TECPR2: variants seen among roughly 807,000 people sequenced by gnomAD.
TECPR2 encodes tectonin beta-propeller repeat containing 2.
In TECPR2, 65 loss-of-function variants were observed where a neutral mutation model predicts 138.1. The observed-to-expected ratio is 0.47, with a 90% CI of 0.39 to 0.58. The LOEUF is 0.58. Ranked by LOEUF, TECPR2 falls within the 20% of genes least tolerant of loss-of-function variation. The pLI, the probability that TECPR2 is intolerant of heterozygous loss-of-function variation, is 0.00. For missense variants in TECPR2, 1,553 were observed against 1,824.5 expected (o/e 0.85, Z 2.71); for synonymous variants, 746 against 749.8 (o/e 0.99, Z 0.08).
At chr14:102,400,907 AC>A (rs931578799) in intron 2 of TECPR2, among the ~76,000 whole-genome samples, 4 of 151,882 alleles carry the variant, frequency 2.6e-5, no homozygotes, top group African/African-American at 7.2e-5. Context: ...GGTGGCGGGG[AC>A]CTGTAATCCC....
intron 4 of TECPR2, 115 bp from the exon 5 acceptor site, chr14:102,414,521 G>A (rs1027526045): frequency 4.7e-6 from 6 of 1,284,486 alleles, no homozygotes; most frequent in South Asian, 1.4e-5. Flanking sequence ...CATGCGTTAA[G>A]TAAGGTGCAA....
intron 17 of TECPR2, among the ~76,000 whole-genome samples, chr14:102,469,618 C>T (rs144928335): frequency 2.6e-5 from 4 of 152,230 alleles, no homozygotes; most frequent in Non-Finnish European, 4.4e-5. Flanking sequence ...GTAGAAGTGG[C>T]GAGAATGGGC....
chr14:102,365,003 C>T (rs947930607), intron 1 of TECPR2, among the ~76,000 whole-genome samples: 3 of 152,198 alleles, frequency 2.0e-5, no homozygotes, highest in African/African-American at 7.2e-5. Flanking sequence ...AGCTGTTACT[C>T]AAGATGCATG....
rs1007092854 is a variant in TECPR2, at chr14:102,362,949, C to T, written c.-240C>T. 5 of 1,493,842 alleles carry T rather than the reference C, an allele frequency of 3.3e-6. No individual in the cohort carries two copies. The highest frequency in any genetic ancestry group is 4.6e-6 in the Non-Finnish European group (5 of 1,089,032). The allele number at this position is 1,493,842 out of a possible 1,614,324, so 92.5% of individuals were successfully genotyped here. On this transcript the variant is annotated 5_prime_UTR_variant, in exon 1 of 20. Transcript: ENST00000359520. Reference sequence around the variant, plus strand: ...CCGCCCCGCCCGCTGCCACTTGTGGCTCTGCCGCTCTAGCCCCCGGCGGAG... The same window carrying T: ...CCGCCCCGCCCGCTGCCACTTGTGGTTCTGCCGCTCTAGCCCCCGGCGGAG...
chr14:102,414,933 G>A, intron 5 of TECPR2, 140 bp downstream of exon 5: 1 of 1,018,648 alleles, frequency 9.8e-7, no homozygotes, highest in Non-Finnish European at 1.4e-6. Flanking sequence ...GGTTCCTGGT[G>A]GGGCCCTGTG....
chr14:102,430,701 C>A (rs938082883), intron 7 of TECPR2, among the ~76,000 whole-genome samples: 16 of 152,178 alleles, frequency 1.1e-4, no homozygotes, highest in Non-Finnish European at 2.2e-4. Context: ...GTGGGAAGCT[C>A]ACTGGCCCTT....
In TECPR2 at chr14:102,499,489, G is replaced by A. The variant is rs575760934; in HGVS notation, c.*1232G>A. 8 of 497,796 alleles carry A rather than the reference G, an allele frequency of 1.6e-5. No homozygotes were observed. Among genetic ancestry groups the A allele is most frequent in the African/African-American group, 9.7e-5 (5 of 51,804 alleles). 30.8% of individuals were successfully genotyped at this position (497,796 alleles called of 1,614,324 possible). On this transcript the variant is annotated 3_prime_UTR_variant, in exon 20 of 20. Coordinates refer to ENST00000359520, the MANE Select transcript of TECPR2 (RefSeq NM_014844.5). The stretch of plus-strand genomic sequence containing the variant: ...CAGCCTCAGAGGGGCAGGCATCCCC[G>A]CACAGACTTGACTGGCAGGGCGGTC...
At chr14:102,467,342 G>C (rs895003662) in intron 17 of TECPR2, among the ~76,000 whole-genome samples, 1 of 27,434 alleles carries the variant, frequency 3.6e-5, no homozygotes, top group African/African-American at 1.8e-4. Context: ...TTTTTTTTTT[G>C]AGCCAGAGTT....
Position 102,445,884 on chromosome 14 carries a change from C to T in TECPR2, c.3012C>T (p.Asn1004=). Residue 1004 remains asparagine, a synonymous_variant, in exon 13 of 20, where the codon AAC becomes AAT. Transcript: ENST00000359520. Reference sequence around the variant, plus strand: ...TCTGGGCCCTGGACATCCATGGGAACCTGTGGTTCAGAACTGGCATTATTT... The same window carrying T: ...TCTGGGCCCTGGACATCCATGGGAATCTGTGGTTCAGAACTGGCATTATTT... ...QTLWALDIHG[N]LWFRTGIISK... 6.2e-7 allele frequency: 1 copy of T among 1,613,914 alleles called. No individual in the cohort carries two copies. The highest frequency in any genetic ancestry group is 8.5e-7 in the Non-Finnish European group (1 of 1,179,992).
In TECPR2 at chr14:102,419,195, G is replaced by A. The variant is rs1654333137; in HGVS notation, c.638+4402G>A. Among the ~76,000 whole-genome samples, 1 of 152,144 alleles carries A rather than the reference G, an allele frequency of 6.6e-6. No homozygotes were observed. The highest frequency in any genetic ancestry group is 2.4e-5 in the African/African-American group (1 of 41,432). ...GTCGGAGGCCATATGGAGGGACATAGCAGCTGCTGCGAGACCGGGGGCTGA... is the reference window on the plus strand; with the variant it reads ...GTCGGAGGCCATATGGAGGGACATAACAGCTGCTGCGAGACCGGGGGCTGA... On this transcript the variant is annotated intron_variant, in intron 5 of 19. Transcript: ENST00000359520. This position sits in a 1 kb window ranked among gnomAD's most constrained non-coding sequence, Gnocchi z 4.8.
At chr14:102,397,330 A>C (rs1888340693) in intron 2 of TECPR2, among the ~76,000 whole-genome samples, 1 of 152,228 alleles carries the variant, frequency 6.6e-6, no homozygotes, top group Admixed American at 6.5e-5. Context: ...CACGAGGCAC[A>C]CAAAGAAACA....
chr14:102,376,966 G>C (rs1887657444), intron 2 of TECPR2, 26 bp downstream of exon 2: 12 of 1,584,844 alleles, frequency 7.6e-6, no homozygotes, highest in Non-Finnish European at 1.0e-5. Flanking sequence ...CTTTTCACCT[G>C]AGGGGGCACG....
intron 2 of TECPR2, among the ~76,000 whole-genome samples, chr14:102,392,835 G>A (rs747960832): frequency 6.6e-6 from 1 of 152,196 alleles, no homozygotes; most frequent in Non-Finnish European, 1.5e-5. Flanking sequence ...TTAACCGTCT[G>A]CATAGAGCTT....
intron 1 of TECPR2, among the ~76,000 whole-genome samples, chr14:102,371,318 T>C (rs1182633938): frequency 6.6e-6 from 1 of 152,238 alleles, no homozygotes; most frequent in Non-Finnish European, 1.5e-5. Flanking sequence ...TTCCCAAACC[T>C]AGCGCAGGAC....
chr14:102,431,904 T>C lies in TECPR2; in HGVS notation c.1193T>C (p.Met398Thr), dbSNP rs569589025. 2.5e-6 allele frequency: 4 copies of C among 1,610,312 alleles called. No individual in the cohort carries two copies. The African/African-American group carries it at 4.0e-5, about 16-fold the overall frequency. Residue 398 changes from methionine (M) to threonine (T), a missense_variant, in exon 8 of 20, where the codon ATG (methionine) becomes ACG (threonine). Physicochemically the swap from Met to Thr is moderately conservative, Grantham distance 81 (BLOSUM62 -1). Transcript: ENST00000359520. ...VSETRLRGSS[M>T]ASSVASEPRS... ...GAGACGAGGCTCAGAGGCTCTTCCATGGCCAGCTCCGTGGCCAGCGAGCCA... is the reference window on the plus strand; with the variant it reads ...GAGACGAGGCTCAGAGGCTCTTCCACGGCCAGCTCCGTGGCCAGCGAGCCA...
chr14:102,487,831 A>G (rs565208887), intron 17 of TECPR2, among the ~76,000 whole-genome samples: 15 of 145,688 alleles, frequency 1.0e-4, no homozygotes, highest in South Asian at 2.2e-4. Context: ...GTGAGCCACC[A>G]CGCCCGGCCT....
chr14:102,414,715 TCTCTA>T lies in TECPR2; in HGVS notation c.565_569del (p.Thr189AlafsTer9), dbSNP rs1595112176. The T allele has an allele frequency of 6.2e-7, 1 of 1,614,222 alleles. No homozygotes were observed. Among genetic ancestry groups the T allele is most frequent in the South Asian group, 1.1e-5 (1 of 91,084 alleles). Reference sequence around the variant, plus strand: ...GATTATAGCCAGAAAGTGCTGCTGGTCTCTACTCTGCAAAGAAGTCTGCTCTTTTA... The same window carrying T: ...GATTATAGCCAGAAAGTGCTGCTGGTCTCTGCAAAGAAGTCTGCTCTTTTA... On this transcript the variant is annotated frameshift_variant, in exon 5 of 20. Transcript: ENST00000359520. LOFTEE classifies it high-confidence loss of function.
chr14:102,433,370 T>C (rs970424127), intron 8 of TECPR2, among the ~76,000 whole-genome samples: 12 of 150,040 alleles, frequency 8.0e-5, no homozygotes, highest in African/African-American at 3.0e-4. Context: ...GTGCTCAGTG[T>C]TTGGCTCCCA....
rs117857059 is a variant in TECPR2 at position 102,396,421 on chromosome 14, C to T, written c.220-10917C>T. ...CCCGGCCCATCTTTTAATAAGAGCT[C>T]AGCATATTCATACTTGATTGATCAG... On this transcript the variant is annotated intron_variant, in intron 2 of 19. Coordinates refer to ENST00000359520, the MANE Select transcript of TECPR2 (RefSeq NM_014844.5). Among the ~76,000 whole-genome samples, 29 of 152,160 alleles carry T rather than the reference C, an allele frequency of 1.9e-4. No homozygotes were observed. In the East Asian group the frequency reaches 5.2e-3, roughly 27 times the overall value.
Sources: gnomAD v4.1 joint callset for allele counts (sites outside exome capture counted in the v4.1 genomes callset) on GRCh38, gnomAD v4.1.1 for gene constraint, Gnocchi (gnomAD v3.1) non-coding constraint, MANE v1.5 for transcripts, NCBI Gene and HGNC (gene_info 2026-07-23, HGNC 2026-07-21) for gene names.